SEMA3A: variants seen among roughly 807,000 people sequenced by gnomAD.
The protein encoded by SEMA3A is semaphorin 3A.
Under a neutral mutation model 97.9 loss-of-function variants are expected in SEMA3A, and 29 were observed. The observed-to-expected ratio is 0.30, with a 90% CI of 0.22 to 0.40. The LOEUF (loss-of-function observed/expected upper bound fraction) is 0.40, where lower values mean the gene tolerates loss of function less well. Ranked by LOEUF, SEMA3A falls within the 10% of genes least tolerant of loss-of-function variation. The pLI is 1.00. For synonymous variants in SEMA3A, 321 were observed against 323.7 expected, an observed-to-expected ratio of 0.99 and a Z score of 0.09; for missense variants, 763 against 951.3, an observed-to-expected ratio of 0.80 and a Z score of 2.60.
rs567339897 is a variant in SEMA3A at position 84,407,634 on chromosome 7, C to T, written c.-245-35734G>A. 8.0e-3 allele frequency among the ~76,000 whole-genome samples: 1,204 copies of T among 150,822 alleles called. 11 individuals are homozygous for T. Among genetic ancestry groups the T allele is most frequent in the Non-Finnish European group, 0.013 (881 of 67,380 alleles). On this transcript the variant is annotated intron_variant, in intron 1 of 3. Coordinates refer to the SEMA3A transcript ENST00000424555. ...AAGCTGGAGGCATCACCGTACCTGA[C>T]TTCAAACTATACTACAAGGCTACAG...
At chr7:84,399,183 T>A (rs868600826) in intron 1 of SEMA3A, among the ~76,000 whole-genome samples, 17 of 152,126 alleles carry the variant, frequency 1.1e-4, no homozygotes, top group African/African-American at 4.1e-4. Flanking sequence ...CCTGTCACTA[T>A]GCAACACAAC....
intron 4 of SEMA3A, among the ~76,000 whole-genome samples, chr7:84,067,146 A>T (rs2115731316): frequency 6.6e-6 from 1 of 152,340 alleles, no homozygotes. Context: ...TTCTTTGACA[A>T]ACCTGAGAAA....
intron 1 of SEMA3A, among the ~76,000 whole-genome samples, chr7:84,416,159 C>T (rs1031063735): frequency 1.3e-5 from 2 of 152,056 alleles, no homozygotes; most frequent in African/African-American, 4.8e-5. Context: ...TCCTAGAATT[C>T]CCATGTGTTG....
chr7:84,146,675 C>T (rs1486836695), intron 1 of SEMA3A, among the ~76,000 whole-genome samples: 4 of 152,134 alleles, frequency 2.6e-5, no homozygotes, highest in Non-Finnish European at 4.4e-5. Context: ...GCATTGCTAT[C>T]GGTCACTCGT....
At chr7:84,385,445 T>G (rs1444270110) in intron 1 of SEMA3A, among the ~76,000 whole-genome samples, 1 of 152,218 alleles carries the variant, frequency 6.6e-6, no homozygotes, top group Non-Finnish European at 1.5e-5. Flanking sequence ...CTTTTAAATC[T>G]GTAACAATCT....
intron 4 of SEMA3A, among the ~76,000 whole-genome samples, chr7:84,089,720 T>G (rs1407940960): frequency 2.6e-5 from 4 of 152,056 alleles, no homozygotes; most frequent in Non-Finnish European, 4.4e-5. Context: ...TCTAAAGGAT[T>G]TTTATTTATA....
intron 2 of SEMA3A, among the ~76,000 whole-genome samples, chr7:84,311,835 T>C (rs528840075): frequency 5.9e-5 from 9 of 152,080 alleles, no homozygotes; most frequent in African/African-American, 2.2e-4. Flanking sequence ...CCAATATGCA[T>C]AATAATTATT....
chr7:84,378,677 T>C (rs1803172771), intron 1 of SEMA3A, among the ~76,000 whole-genome samples: 2 of 152,100 alleles, frequency 1.3e-5, no homozygotes, highest in Non-Finnish European at 2.9e-5. Context: ...CTGCACGTTC[T>C]GCACATGTAT....
At chr7:84,474,122 T>C (rs1461581500) in intron 1 of SEMA3A, among the ~76,000 whole-genome samples, 1 of 152,220 alleles carries the variant, frequency 6.6e-6, no homozygotes, top group Non-Finnish European at 1.5e-5. Flanking sequence ...CTGTTTTATC[T>C]GACTATAACA....
intron 2 of SEMA3A, among the ~76,000 whole-genome samples, chr7:84,369,928 C>T (rs1802935941): frequency 6.6e-6 from 1 of 150,574 alleles, no homozygotes; most frequent in African/African-American, 2.4e-5. Context: ...TAGGTAGAGG[C>T]TGGACCTGTT....
At chr7:84,245,045 T>G (rs534464829) in intron 3 of SEMA3A, among the ~76,000 whole-genome samples, 1 of 152,290 alleles carries the variant, frequency 6.6e-6, no homozygotes, top group East Asian at 1.9e-4. Context: ...TCATCCTTGG[T>G]GAATCTGACG....
rs1441029532 is a variant in SEMA3A, at chr7:83,980,615, A to ACAAACAAAC, written c.1652+705_1652+706insGTTTGTTTG. ...TGAGACTCCATCTCAAAAAAAAAAA[A>ACAAACAAAC]AAAAAAAAATATATATATATATATA... On this transcript the variant is annotated intron_variant, in intron 14 of 16. Coordinates refer to ENST00000265362, the MANE Select transcript of SEMA3A (RefSeq NM_006080.3). Among the ~76,000 whole-genome samples the ACAAACAAAC allele has an allele frequency of 3.6e-5, 3 of 82,630 alleles. No individual in the cohort carries two copies. In the East Asian group the frequency reaches 1.1e-3, roughly 30 times the overall value. 54.2% of individuals were successfully genotyped at this position (82,630 alleles called of 152,430 possible).
rs566521854 is a variant in SEMA3A at position 84,082,913 on chromosome 7, G to A, written c.454-22355C>T. 5.2e-3 allele frequency among the ~76,000 whole-genome samples: 795 copies of A among 151,938 alleles called. 2 individuals carry two copies. The highest frequency in any genetic ancestry group is 8.0e-3 in the Non-Finnish European group (546 of 67,864). ...CTTTTTACAGGGTCACTTAAATAAT[G>A]TATGATGGGATGATATTCTTACCTG... On this transcript the variant is annotated intron_variant, in intron 4 of 16. Transcript: ENST00000265362.
At chr7:84,051,561 G>C (rs1176774177) in intron 5 of SEMA3A, among the ~76,000 whole-genome samples, 1 of 152,182 alleles carries the variant, frequency 6.6e-6, no homozygotes, top group Non-Finnish European at 1.5e-5. Context: ...CATTGATTTT[G>C]TATCCTGAGA....
chr7:84,197,889 G>C (rs1416377337), upstream of SEMA3A, among the ~76,000 whole-genome samples: 1 of 151,740 alleles, frequency 6.6e-6, no homozygotes, highest in Non-Finnish European at 1.5e-5. Flanking sequence ...ACAGGCACAC[G>C]CCGCCACGCC....
chr7:84,313,386 AT>A (rs1801408466), intron 2 of SEMA3A, among the ~76,000 whole-genome samples: 4 of 95,710 alleles, frequency 4.2e-5, no homozygotes, highest in African/African-American at 1.0e-4. Context: ...ATATATATAT[AT>A]ATATATATAT....
chr7:84,435,254 TACACACAC>T (rs34631045), intron 1 of SEMA3A, among the ~76,000 whole-genome samples: 4 of 148,152 alleles, frequency 2.7e-5, no homozygotes, highest in Middle Eastern at 3.5e-3. Context: ...GTACAACAGC[TACACACAC>T]ACACACACAC....
At chr7:83,964,085 G>A (rs758374295) in intron 15 of SEMA3A, among the ~76,000 whole-genome samples, 8 of 152,112 alleles carry the variant, frequency 5.3e-5, no homozygotes, top group Non-Finnish European at 1.0e-4. Flanking sequence ...ATAAAATGCA[G>A]CAAAAAGAAA....
chr7:84,425,781 G>T (rs893286719), intron 1 of SEMA3A, among the ~76,000 whole-genome samples: 1 of 148,402 alleles, frequency 6.7e-6, no homozygotes, highest in Non-Finnish European at 1.5e-5. Flanking sequence ...GACAAGCCTG[G>T]CCAATATGGT....
Sources: allele counts gnomAD v4.1 joint callset (sites outside exome capture counted in the v4.1 genomes callset), GRCh38; gene constraint gnomAD v4.1.1; transcripts MANE v1.5; gene names NCBI Gene and HGNC (gene_info 2026-07-23, HGNC 2026-07-21).